Variants in EIF2S2 observed in about 807,000 individuals in gnomAD.
EIF2S2 encodes eukaryotic translation initiation factor 2 subunit beta.
A neutral mutation model predicts 44.0 loss-of-function variants in EIF2S2; 4 were observed. The observed-to-expected ratio is 0.09, with a 90% CI of 0.04 to 0.21. EIF2S2 has a LOEUF of 0.21. EIF2S2 is among the 10% of genes least tolerant of loss of function. The pLI is 1.00. For missense variants in EIF2S2, 154 were observed against 392.0 expected (o/e 0.39, Z 5.13); for synonymous variants, 108 against 128.3 (o/e 0.84, Z 1.07).
chr20:34,097,943 T>TTTTTTTAA (rs2034249595), intron 4 of EIF2S2, among the ~76,000 whole-genome samples: 1 of 152,096 alleles, frequency 6.6e-6, no homozygotes, highest in Non-Finnish European at 1.5e-5. Context: ...GTTTAAAAAA[T>TTTTTTTAA]TTTTTTAATT....
chr20:34,102,612 G>A (rs183601890), intron 3 of EIF2S2, among the ~76,000 whole-genome samples: 1 of 152,296 alleles, frequency 6.6e-6, no homozygotes, highest in Admixed American at 6.5e-5. Context: ...ATTCACTTGA[G>A]TTTGAGCAAA....
rs139689429 is a variant in EIF2S2 at position 34,095,271 on chromosome 20, T to C, written c.683+1386A>G. Among the ~76,000 whole-genome samples, 1,206 of 151,206 alleles carry C rather than the reference T, an allele frequency of 8.0e-3. 8 individuals carry two copies. Among genetic ancestry groups the C allele is most frequent in the South Asian group, 0.024 (117 of 4,804 alleles). ...TTTAAAATATGTACATAAAACTGGC[T>C]AAACAGAAAAATATTAAACTATGAT... On this transcript the variant is annotated intron_variant, in intron 6 of 8. Transcript: ENST00000374980.
chr20:34,092,095 G>A (rs935221670), intron 7 of EIF2S2, among the ~76,000 whole-genome samples: 2 of 152,100 alleles, frequency 1.3e-5, no homozygotes, highest in Non-Finnish European at 2.9e-5. Context: ...AGTCAAGCAG[G>A]GTTAAATTTC....
chr20:34,092,761 C>A (rs1487521238), intron 7 of EIF2S2, among the ~76,000 whole-genome samples: 1 of 152,178 alleles, frequency 6.6e-6, no homozygotes, highest in Non-Finnish European at 1.5e-5. Context: ...AACCCCACAC[C>A]AAGTGTAGCA....
chr20:34,112,065 C>T, intron 1 of EIF2S2, 31 bp downstream of exon 1: 1 of 1,532,322 alleles, frequency 6.5e-7, no homozygotes. Flanking sequence ...CGCCTCAATC[C>T]TTAGCCCTTA....
chr20:34,105,652 G>A (rs2034341256), intron 1 of EIF2S2, 107 bp from the exon 2 acceptor site: 1 of 1,081,020 alleles, frequency 9.3e-7, no homozygotes, highest in Admixed American at 3.2e-5. Context: ...AAGAGTATGT[G>A]ATACATTAAA....
chr20:34,111,467 C>T (rs776210089), intron 1 of EIF2S2, among the ~76,000 whole-genome samples: 3 of 152,200 alleles, frequency 2.0e-5, no homozygotes, highest in Admixed American at 6.5e-5. Context: ...TTCCCGCTCA[C>T]GTCGCCGGTA....
intron 3 of EIF2S2, 99 bp downstream of exon 3, chr20:34,103,363 A>C (rs1271886389): frequency 2.8e-6 from 4 of 1,430,300 alleles, no homozygotes; most frequent in Admixed American, 3.1e-5. Context: ...TAATAACAAA[A>C]GCAAAGCTAG....
chr20:34,103,710 C>CCT, intron 2 of EIF2S2, 145 bp from the exon 3 acceptor site: 2 of 965,056 alleles, frequency 2.1e-6, no homozygotes, highest in African/African-American at 3.7e-5. Flanking sequence ...ACTTATGGTT[C>CCT]TTTTTTTTTT....
chr20:34,101,064 A>G (rs551627598), intron 3 of EIF2S2, among the ~76,000 whole-genome samples: 5 of 152,342 alleles, frequency 3.3e-5, no homozygotes, highest in African/African-American at 9.6e-5. Context: ...TACCAGCAGA[A>G]AAGTTGGAAT....
At chr20:34,100,323 A>G (rs779696981) in intron 3 of EIF2S2, among the ~76,000 whole-genome samples, 23 of 152,064 alleles carry the variant, frequency 1.5e-4, no homozygotes, top group Non-Finnish European at 3.1e-4. Flanking sequence ...CCAACTGATT[A>G]CATTATTAAC....
chr20:34,109,379 A>G (rs1488374842), intron 1 of EIF2S2, among the ~76,000 whole-genome samples: 1 of 152,138 alleles, frequency 6.6e-6, no homozygotes, highest in African/African-American at 2.4e-5. Flanking sequence ...TAGCAGCCAT[A>G]TTTCTAGGAT....
At chr20:34,096,855 A>AT (rs762921828) in intron 5 of EIF2S2, 50 bp from the exon 6 acceptor site, 1 of 1,551,640 alleles carries the variant, frequency 6.4e-7, no homozygotes. Flanking sequence ...CTGCAGGGGT[A>AT]TAAAGTTCCC....
chr20:34,101,250 G>C (rs956165495), intron 3 of EIF2S2, among the ~76,000 whole-genome samples: 2 of 152,188 alleles, frequency 1.3e-5, no homozygotes, highest in African/African-American at 4.8e-5. Context: ...TTTGAGACCA[G>C]CCTGGCCAAC....
intron 1 of EIF2S2, chr20:34,108,146 T>A (rs1042974391): frequency 2.6e-5 from 4 of 152,208 alleles, no homozygotes; most frequent in South Asian, 4.1e-4. Flanking sequence ...AATTGCCTTT[T>A]AACCATTATT....
chr20:34,112,238 A>G lies in EIF2S2; in HGVS notation c.-128T>C, dbSNP rs1040438800. The G allele has an allele frequency of 2.8e-6, 3 of 1,058,748 alleles. No individual in the cohort carries two copies. The highest frequency in any genetic ancestry group is 3.8e-6 in the Non-Finnish European group (3 of 788,772). 65.6% of individuals were successfully genotyped at this position (1,058,748 alleles called of 1,614,324 possible). On this transcript the variant is annotated 5_prime_UTR_variant, in exon 1 of 9. Transcript: ENST00000374980. ...CTAGGCTCTTGCATCAGCGAAAGGA[A>G]ACGACACCCCGCCCTCTCCTCCAAG...
chr20:34,090,496 T>C (rs2034150659), intron 8 of EIF2S2, 21 bp downstream of exon 8: 2 of 1,400,868 alleles, frequency 1.4e-6, no homozygotes, highest in South Asian at 2.7e-5. Context: ...GGTGATCTAA[T>C]GAAATGAATT....
intron 5 of EIF2S2, 143 bp from the exon 6 acceptor site, chr20:34,096,948 G>C (rs2034236246): frequency 1.1e-6 from 1 of 893,992 alleles, no homozygotes; most frequent in Non-Finnish European, 1.7e-6. Flanking sequence ...GGAGCTCCTT[G>C]AGGGCAGAGG....
chr20:34,094,223 A>G (rs2034201367), intron 6 of EIF2S2, among the ~76,000 whole-genome samples: 1 of 152,326 alleles, frequency 6.6e-6, no homozygotes, highest in African/African-American at 2.4e-5. Context: ...ATAAGACCAT[A>G]TTACATTTTA....
Sources: gnomAD v4.1 joint callset for allele counts (sites outside exome capture counted in the v4.1 genomes callset) on GRCh38, gnomAD v4.1.1 for gene constraint, MANE v1.5 for transcripts, NCBI Gene and HGNC (gene_info 2026-07-23, HGNC 2026-07-21) for gene names.